ARHGEF7: variants seen among roughly 807,000 people sequenced by gnomAD.
ARHGEF7 encodes the protein Rho guanine nucleotide exchange factor 7.
ARHGEF7 carries 33 observed loss-of-function variants against 109.8 expected under a neutral mutation model. The ratio of observed to expected loss-of-function variants is 0.30; its 90% CI spans 0.23 to 0.40. The LOEUF is 0.40. Among genes scored for constraint, ARHGEF7 ranks in the 10% least tolerant of loss-of-function variants. The pLI is 1.00. For missense variants in ARHGEF7, 938 were observed against 1,098.5 expected (o/e 0.85, Z 2.07); for synonymous variants, 458 against 424.6 (o/e 1.08, Z -0.97).
intron 8 of ARHGEF7, among the ~76,000 whole-genome samples, chr13:111,253,157 T>G (rs2089991004): frequency 6.6e-6 from 1 of 152,258 alleles, no homozygotes; most frequent in African/African-American, 2.4e-5. Context: ...GCAGTTTTCC[T>G]TCAAACTATT....
intron 4 of ARHGEF7, among the ~76,000 whole-genome samples, chr13:111,215,454 CT>C (rs1566847712): frequency 6.6e-6 from 1 of 151,692 alleles, no homozygotes; most frequent in East Asian, 1.9e-4. Flanking sequence ...TTTTCCTCCC[CT>C]GGCCCCTTGA....
intron 1 of ARHGEF7, among the ~76,000 whole-genome samples, chr13:111,153,340 G>T (rs980307559): frequency 1.3e-4 from 20 of 152,210 alleles, no homozygotes; most frequent in Non-Finnish European, 2.6e-4. Context: ...GGGGCCGAGC[G>T]GGTGCGCTGT....
intron 21 of ARHGEF7, 141 bp from the exon 22 acceptor site, chr13:111,302,850 C>T: frequency 2.8e-6 from 3 of 1,073,414 alleles, no homozygotes; most frequent in Non-Finnish European, 4.0e-6. Flanking sequence ...TCGTGGATCC[C>T]CACGACCTCA....
rs563381324 is a variant in ARHGEF7 at position 111,245,114 on chromosome 13, C to T, written c.950+820C>T. Reference sequence around the variant, plus strand: ...TGTTGTGGAGAAGAATTGGGCCCTTCCTGTTGACCAATGCCGGCTGCAGGC... The same window carrying T: ...TGTTGTGGAGAAGAATTGGGCCCTTTCTGTTGACCAATGCCGGCTGCAGGC... On this transcript the variant is annotated intron_variant, in intron 8 of 21. Transcript: ENST00000646102. Among the ~76,000 whole-genome samples the T allele has an allele frequency of 2.5e-4, 38 of 152,246 alleles. No individual in the cohort carries two copies. In the Middle Eastern group the frequency reaches 0.024, roughly 95 times the overall value.
chr13:111,268,576 C>G (rs150524107), intron 9 of ARHGEF7, among the ~76,000 whole-genome samples: 48 of 152,316 alleles, frequency 3.2e-4, no homozygotes, highest in African/African-American at 1.1e-3. Flanking sequence ...GTTGCCTCTT[C>G]AGAAGCACAT....
intron 1 of ARHGEF7, among the ~76,000 whole-genome samples, chr13:111,129,296 C>T (rs955115146): frequency 1.3e-5 from 2 of 152,064 alleles, no homozygotes; most frequent in African/African-American, 4.8e-5. Flanking sequence ...TGACTTTGGA[C>T]TAGGCAAATA....
chr13:111,128,686 A>T (rs1056059623), intron 1 of ARHGEF7, among the ~76,000 whole-genome samples: 8 of 152,238 alleles, frequency 5.3e-5, no homozygotes, highest in Non-Finnish European at 1.2e-4. Flanking sequence ...TAAATCTGAC[A>T]AAAGATAAGA....
At chr13:111,295,243 G>A (rs1057001531) in intron 19 of ARHGEF7, 99 of 979,034 alleles carry the variant, frequency 1.0e-4, no homozygotes, top group Non-Finnish European at 2.4e-5. Context: ...AGCATAGTTT[G>A]CAGTGTAATA....
intron 2 of ARHGEF7, among the ~76,000 whole-genome samples, chr13:111,188,448 A>C (rs574167794): frequency 6.6e-6 from 1 of 152,276 alleles, no homozygotes; most frequent in South Asian, 2.1e-4. Flanking sequence ...AGCCAAGTGC[A>C]TGTCTGTCAG....
chr13:111,161,711 C>T (rs967254164), intron 2 of ARHGEF7, among the ~76,000 whole-genome samples: 1 of 151,808 alleles, frequency 6.6e-6, no homozygotes, highest in African/African-American at 2.4e-5. Context: ...TTAGAGATAC[C>T]AGTGTTAAAA....
At chr13:111,233,401 G>C in intron 6 of ARHGEF7, 108 bp downstream of exon 6, 3 of 874,578 alleles carry the variant, frequency 3.4e-6, no homozygotes, top group South Asian at 1.4e-5. Flanking sequence ...AGGAAATAAA[G>C]TTCATTCATC....
chr13:111,249,850 G>A (rs918285054), intron 8 of ARHGEF7, among the ~76,000 whole-genome samples: 2 of 152,126 alleles, frequency 1.3e-5, no homozygotes, highest in African/African-American at 4.8e-5. Context: ...ACAGGGTTGT[G>A]GAATGACAGC....
upstream of ARHGEF7, chr13:111,114,832 A>T (rs184043735): frequency 6.6e-6 from 1 of 152,308 alleles, no homozygotes; most frequent in East Asian, 1.9e-4. Flanking sequence ...ATGGCTTCAG[A>T]TGGAACCATC....
At chr13:111,210,884 A>T (rs1421781193) in intron 4 of ARHGEF7, among the ~76,000 whole-genome samples, 1 of 152,140 alleles carries the variant, frequency 6.6e-6, no homozygotes, top group Non-Finnish European at 1.5e-5. Flanking sequence ...AACATGGGGG[A>T]GTATTGCTAA....
chr13:111,184,580 C>CT (rs2153434716), intron 2 of ARHGEF7, among the ~76,000 whole-genome samples: 1 of 152,328 alleles, frequency 6.6e-6, no homozygotes, highest in African/African-American at 2.4e-5. Flanking sequence ...CATTCTGAGG[C>CT]TGACGTTTGT....
At chr13:111,184,367 A>G (rs191776033) in intron 2 of ARHGEF7, among the ~76,000 whole-genome samples, 2 of 152,220 alleles carry the variant, frequency 1.3e-5, no homozygotes, top group East Asian at 3.9e-4. Flanking sequence ...AAGTTTTTTG[A>G]CCTACTAGGC....
intron 1 of ARHGEF7, among the ~76,000 whole-genome samples, chr13:111,150,093 A>G (rs1351431649): frequency 6.6e-6 from 1 of 152,218 alleles, no homozygotes. Flanking sequence ...GTCTTTTGCA[A>G]CTTGTTGATG....
chr13:111,206,124 C>T lies in ARHGEF7; in HGVS notation c.337+751C>T, dbSNP rs560827383. 1.3e-3 allele frequency among the ~76,000 whole-genome samples: 191 copies of T among 151,840 alleles called. 1 individual carries two copies. The highest frequency in any genetic ancestry group is 4.2e-3 in the African/African-American group (173 of 41,376). Reference sequence around the variant, plus strand: ...AATTTTTTTTTCCTATTTACCTTCACGGATGTTAAATATCAGGTTTGTGGG... The same window carrying T: ...AATTTTTTTTTCCTATTTACCTTCATGGATGTTAAATATCAGGTTTGTGGG... On this transcript the variant is annotated intron_variant, in intron 3 of 21. Transcript: ENST00000646102.
intron 2 of ARHGEF7, among the ~76,000 whole-genome samples, chr13:111,194,855 G>A (rs1307487266): frequency 6.6e-6 from 1 of 152,228 alleles, no homozygotes; most frequent in Non-Finnish European, 1.5e-5. Flanking sequence ...CAGTGCAGGG[G>A]AATACAGAAG....
Sources: gnomAD v4.1 joint callset for allele counts (sites outside exome capture counted in the v4.1 genomes callset) on GRCh38, gnomAD v4.1.1 for gene constraint, MANE v1.5 for transcripts, NCBI Gene and HGNC (gene_info 2026-07-23, HGNC 2026-07-21) for gene names.